The following PCED1B variants were observed in gnomAD, a reference collection of about 807,000 sequenced individuals.
PCED1B encodes PC-esterase domain containing 1B.
For missense variants in PCED1B, 573 were observed against 573.9 expected (o/e 1.00, Z 0.02); for synonymous variants, 251 against 246.1 (o/e 1.02, Z -0.19).
intron 3 of PCED1B, among the ~76,000 whole-genome samples, chr12:47,223,266 C>T (rs1419843794): frequency 2.6e-5 from 4 of 152,074 alleles, no homozygotes; most frequent in African/African-American, 9.7e-5. Context: ...AGTGCCCCTA[C>T]CCCTCATACT....
chr12:47,136,582 T>C (rs1185701379), intron 2 of PCED1B, among the ~76,000 whole-genome samples: 2 of 152,224 alleles, frequency 1.3e-5, no homozygotes, highest in Non-Finnish European at 2.9e-5. Context: ...CTTTAAAAGA[T>C]GACTCTTTGA....
chr12:47,162,795 C>G (rs1389311245), intron 2 of PCED1B, among the ~76,000 whole-genome samples: 1 of 152,248 alleles, frequency 6.6e-6, no homozygotes, highest in Non-Finnish European at 1.5e-5. Context: ...ATACCTTCCA[C>G]TAGGCCCTAC....
At chr12:47,133,366 G>A (rs760375725) in intron 2 of PCED1B, among the ~76,000 whole-genome samples, 1 of 152,160 alleles carries the variant, frequency 6.6e-6, no homozygotes, top group Non-Finnish European at 1.5e-5. Flanking sequence ...GGCATCCCTT[G>A]TCCAGGGCCC....
chr12:47,235,609 GCGGCAGA>G lies in PCED1B; in HGVS notation c.547_553del (p.Gln184ProfsTer4). The G allele has an allele frequency of 6.2e-7, 1 of 1,609,684 alleles. No individual in the cohort carries two copies. Among genetic ancestry groups the G allele is most frequent in the Middle Eastern group, 1.7e-4 (1 of 6,036 alleles). ...GGGGTTTTCTTCCGCCCAAGCTCCG[GCGGCAGA>G]AGGCCACCTTCCTGAAAAACGAAGT... On this transcript the variant is annotated frameshift_variant, in exon 4 of 4. Transcript: ENST00000546455. LOFTEE classifies it low-confidence loss of function (END_TRUNC).
chr12:47,184,402 C>G (rs1460721252), intron 2 of PCED1B, among the ~76,000 whole-genome samples: 2 of 152,094 alleles, frequency 1.3e-5, no homozygotes, highest in African/African-American at 4.8e-5. Flanking sequence ...GGATTTCAAA[C>G]CATCCAGGTG....
At chr12:47,217,456 GAA>G (rs1422117062) in intron 3 of PCED1B, among the ~76,000 whole-genome samples, 6 of 40,464 alleles carry the variant, frequency 1.5e-4, no homozygotes, top group African/African-American at 2.1e-4. Context: ...AAGAAAGAAA[GAA>G]AAAGAAAGAA....
chr12:47,115,969 T>TTTAATTTA (rs1181072320), intron 2 of PCED1B, among the ~76,000 whole-genome samples: 1 of 152,214 alleles, frequency 6.6e-6, no homozygotes, highest in African/African-American at 2.4e-5. Context: ...TTAAATTAGC[T>TTTAATTTA]CACTAGAAAT....
chr12:47,219,896 T>C (rs1184537685), intron 3 of PCED1B, among the ~76,000 whole-genome samples: 1 of 151,928 alleles, frequency 6.6e-6, no homozygotes, highest in Non-Finnish European at 1.5e-5. Flanking sequence ...ACCTTAAGCT[T>C]ATCTAATTAT....
intron 1 of PCED1B, among the ~76,000 whole-genome samples, chr12:47,080,878 C>T (rs1262826506): frequency 6.6e-6 from 1 of 152,082 alleles, no homozygotes; most frequent in African/African-American, 2.4e-5. Context: ...GCCACCTCCC[C>T]GTCTTTTGCA....
At chr12:47,200,199 A>C (rs912484137) in intron 2 of PCED1B, among the ~76,000 whole-genome samples, 1 of 152,080 alleles carries the variant, frequency 6.6e-6, no homozygotes, top group Non-Finnish European at 1.5e-5. Flanking sequence ...TGCCTCAAAA[A>C]AAAAAAAATT....
intron 2 of PCED1B, among the ~76,000 whole-genome samples, chr12:47,136,885 T>C (rs1940395702): frequency 6.6e-6 from 1 of 152,226 alleles, no homozygotes; most frequent in Non-Finnish European, 1.5e-5. Flanking sequence ...TGAGAGTCAG[T>C]GGACTTGGAT....
intron 3 of PCED1B, among the ~76,000 whole-genome samples, chr12:47,222,068 A>G (rs910127797): frequency 1.4e-5 from 2 of 146,236 alleles, no homozygotes; most frequent in Admixed American, 1.4e-4. Context: ...GCACCATGGC[A>G]CTCCAGCCTG....
intron 2 of PCED1B, among the ~76,000 whole-genome samples, chr12:47,166,297 G>A (rs776117882): frequency 7.2e-5 from 11 of 152,074 alleles, no homozygotes; most frequent in South Asian, 6.2e-4. Context: ...TGGTTGAGCC[G>A]GGCAGTTTCT....
intron 2 of PCED1B, among the ~76,000 whole-genome samples, chr12:47,120,541 C>T (rs1440925033): frequency 2.0e-5 from 3 of 152,144 alleles, no homozygotes; most frequent in Non-Finnish European, 2.9e-5. Context: ...GTGGCTCATG[C>T]CTGTAATCCC....
intron 1 of PCED1B, among the ~76,000 whole-genome samples, chr12:47,096,792 T>C (rs1378426838): frequency 6.6e-6 from 1 of 152,242 alleles, no homozygotes; most frequent in African/African-American, 2.4e-5. Flanking sequence ...AATGAGCTTC[T>C]ATTACATATA....
At chr12:47,096,139 G>A (rs941453978) in intron 1 of PCED1B, among the ~76,000 whole-genome samples, 4 of 152,012 alleles carry the variant, frequency 2.6e-5, no homozygotes, top group East Asian at 1.9e-4. Flanking sequence ...TGAGCACTAC[G>A]TCTGTGCTTC....
chr12:47,186,026 T>C (rs1942249948), intron 2 of PCED1B, among the ~76,000 whole-genome samples: 1 of 152,142 alleles, frequency 6.6e-6, no homozygotes, highest in Middle Eastern at 3.4e-3. Context: ...GAGACCAGCC[T>C]GACCAACATG....
chr12:47,187,556 C>T (rs1942310631), intron 2 of PCED1B, among the ~76,000 whole-genome samples: 1 of 152,070 alleles, frequency 6.6e-6, no homozygotes, highest in South Asian at 2.1e-4. Flanking sequence ...ACAGTTAAAT[C>T]CAGCACTAAA....
chr12:47,095,428 T>C (rs762210374), intron 1 of PCED1B, among the ~76,000 whole-genome samples: 1 of 152,184 alleles, frequency 6.6e-6, no homozygotes, highest in Non-Finnish European at 1.5e-5. Context: ...GCTACAGTTT[T>C]CTTTATCTTG....
Sources: gnomAD v4.1 joint callset for allele counts (sites outside exome capture counted in the v4.1 genomes callset) on GRCh38, gnomAD v4.1.1 for gene constraint, MANE v1.5 for transcripts, NCBI Gene and HGNC (gene_info 2026-07-23, HGNC 2026-07-21) for gene names.